The following KIF1B variants were observed in gnomAD, a reference collection of about 807,000 sequenced individuals.
KIF1B encodes kinesin family member 1B.
In KIF1B, 76 loss-of-function variants were observed where a neutral mutation model predicts 241.9. The observed-to-expected ratio is 0.31, with a 90% CI of 0.26 to 0.38. The LOEUF (loss-of-function observed/expected upper bound fraction) is 0.38. KIF1B is among the 10% of genes least tolerant of loss of function. The probability of loss-of-function intolerance (pLI) is 1.00; values close to 1 mark genes in which losing one functional copy is unlikely to be tolerated. For missense variants in KIF1B, 1,622 were observed against 2,271.4 expected (o/e 0.71, Z 5.81); for synonymous variants, 750 against 796.7 (o/e 0.94, Z 0.99).
intron 22 of KIF1B, among the ~76,000 whole-genome samples, chr1:10,302,454 GGTTGACTAA>G (rs1429541580): frequency 2.0e-5 from 3 of 152,156 alleles, no homozygotes; most frequent in African/African-American, 7.2e-5. Context: ...GAAAACATTT[GGTTGACTAA>G]GAACTGACAT....
intron 32 of KIF1B, among the ~76,000 whole-genome samples, 196 bp from the exon 33 acceptor site, chr1:10,341,854 C>T (rs559600294): frequency 6.6e-6 from 1 of 151,944 alleles, no homozygotes; most frequent in Non-Finnish European, 1.5e-5. Flanking sequence ...GTCTGTAGTC[C>T]TAGCTACTCC....
Position 10,323,904 on chromosome 1 carries a change from G to A in KIF1B, c.2379G>A (p.Leu793=), listed in dbSNP as rs1249220224. The A allele has an allele frequency of 6.2e-7, 1 of 1,614,024 alleles. No homozygotes were observed. The highest frequency in any genetic ancestry group is 8.5e-7 in the Non-Finnish European group (1 of 1,179,940). The change falls in exon 25 of 49, where the codon CTG becomes CTA. Residue 793 remains leucine (L), a synonymous_variant. Coordinates refer to ENST00000676179, the MANE Select transcript of KIF1B (RefSeq NM_001365951.3). ...LKKKVQFQFV[L]LTDTLYSPLP... is the part of the protein sequence containing the mutation. ...TTCAGGTGCAGTTTCAGTTTGTTCT[G>A]CTGACTGACACACTGTACTCCCCTT...
At chr1:10,241,107 G>T (rs1040373923) in intron 2 of KIF1B, among the ~76,000 whole-genome samples, 6 of 152,056 alleles carry the variant, frequency 3.9e-5, no homozygotes, top group Admixed American at 1.3e-4. Context: ...AGTTGTTCTT[G>T]TGGTTAGTTT....
rs1356185855 is a variant in KIF1B at position 10,337,922 on chromosome 1, G to T, written c.3422+389G>T. On this transcript the variant is annotated intron_variant, in intron 31 of 48. Coordinates refer to ENST00000676179, the MANE Select transcript of KIF1B (RefSeq NM_001365951.3). The surrounding 1 kb of genome is among the most constrained non-coding windows in gnomAD (Gnocchi z 4.0). ...AGCAATTACGCCTATTTAATACTCG[G>T]GAAAAGGAAAATTTAAACAATGTAA... Among the ~76,000 whole-genome samples the T allele has an allele frequency of 6.6e-6, 1 of 152,006 alleles. No homozygotes were observed. Among genetic ancestry groups the T allele is most frequent in the Non-Finnish European group, 1.5e-5 (1 of 68,012 alleles).
Position 10,326,071 on chromosome 1 carries a change from CT to C in KIF1B, c.2676-39del. On this transcript the variant is annotated intron_variant, in intron 26 of 48. Coordinates refer to ENST00000676179, the MANE Select transcript of KIF1B (RefSeq NM_001365951.3). This position sits in a 1 kb window ranked among gnomAD's most constrained non-coding sequence, Gnocchi z 5.2. ...TTCCTGTTTAACCAACTATTCCTCTCTCCCTGGCTGTGTTAATTGGCGTCTT... is the reference window on the plus strand; with the variant it reads ...TTCCTGTTTAACCAACTATTCCTCTCCCCTGGCTGTGTTAATTGGCGTCTT... The C allele has an allele frequency of 6.2e-7, 1 of 1,612,780 alleles. No individual in the cohort carries two copies. Among genetic ancestry groups the C allele is most frequent in the African/African-American group, 1.3e-5 (1 of 75,042 alleles).
chr1:10,374,231 C>A lies in KIF1B; in HGVS notation c.4947-85C>A. The A allele has an allele frequency of 7.1e-7, 1 of 1,406,488 alleles. No individual in the cohort carries two copies. The highest frequency in any genetic ancestry group is 1.0e-6 in the Non-Finnish European group (1 of 992,150). 87.1% of individuals were successfully genotyped at this position (1,406,488 alleles called of 1,614,324 possible). On this transcript the variant is annotated intron_variant, in intron 45 of 48. Transcript: ENST00000676179. This position sits in a 1 kb window ranked among gnomAD's most constrained non-coding sequence, Gnocchi z 4.3. ...GGGGTTTAGGGAGGGCCATTGTGTTCCTCCCAGTGAAACAGTACTCAGTAT... is the reference window on the plus strand; with the variant it reads ...GGGGTTTAGGGAGGGCCATTGTGTTACTCCCAGTGAAACAGTACTCAGTAT...
chr1:10,277,856 C>A, intron 12 of KIF1B, 130 bp from the exon 13 acceptor site: 1 of 810,276 alleles, frequency 1.2e-6, no homozygotes, highest in Non-Finnish European at 2.0e-6. Flanking sequence ...AAGCTTTATA[C>A]AAATGTATTA....
intron 28 of KIF1B, among the ~76,000 whole-genome samples, chr1:10,336,341 G>T (rs1268121241): frequency 6.6e-6 from 1 of 152,126 alleles, no homozygotes; most frequent in South Asian, 2.1e-4. Flanking sequence ...TAGAGACGGG[G>T]TTTCACCATG....
Position 10,272,293 on chromosome 1 carries a change from C to T in KIF1B, c.851C>T (p.Ala284Val). 6.2e-7 allele frequency: 1 copy of T among 1,606,158 alleles called. No homozygotes were observed. Among genetic ancestry groups the T allele is most frequent in the Non-Finnish European group, 8.5e-7 (1 of 1,172,872 alleles). The change falls in exon 9 of 49, where the codon GCC (alanine) becomes GTC (valine). Residue 284 changes from alanine to valine, a missense_variant. Transcript: ENST00000676179. ...SLTTLGKVIS[A>V]LAEVDNCTSK... The stretch of plus-strand genomic sequence containing the variant: ...ACAACTTTGGGCAAAGTCATTTCAG[C>T]CTTGGCCGAGGTGGTAAGTTTTATA...
At chr1:10,314,382 A>G (rs541500421) in intron 22 of KIF1B, among the ~76,000 whole-genome samples, 2 of 151,430 alleles carry the variant, frequency 1.3e-5, no homozygotes, top group South Asian at 2.1e-4. Context: ...TTGACTATCA[A>G]TTGTGGTCAA....
At chr1:10,354,099 C>T (rs1652894302) in intron 38 of KIF1B, among the ~76,000 whole-genome samples, 1 of 152,038 alleles carries the variant, frequency 6.6e-6, no homozygotes, top group South Asian at 2.1e-4. Context: ...AATTCACGCC[C>T]AACAACAGGT....
chr1:10,311,961 CT>C (rs1651086153), intron 22 of KIF1B, among the ~76,000 whole-genome samples: 1 of 151,456 alleles, frequency 6.6e-6, no homozygotes, highest in Non-Finnish European at 1.5e-5. Context: ...TGCTTATTCC[CT>C]TTTCACATAC....
At chr1:10,366,924 T>A (rs1022900764) in intron 43 of KIF1B, among the ~76,000 whole-genome samples, 2 of 151,480 alleles carry the variant, frequency 1.3e-5, no homozygotes, top group Non-Finnish European at 2.9e-5. Flanking sequence ...TGAGCCGAGA[T>A]CGCGCCACTG....
chr1:10,299,124 CAAA>C (rs200503255), intron 22 of KIF1B: 1 of 142,846 alleles, frequency 7.0e-6, no homozygotes, highest in East Asian at 2.1e-4. Flanking sequence ...ACAAGACAAA[CAAA>C]AAAAAAGAAT....
At chr1:10,305,139 C>T (rs904416996) in intron 22 of KIF1B, 2 of 1,059,312 alleles carry the variant, frequency 1.9e-6, no homozygotes, top group Admixed American at 9.9e-5. Context: ...GATTTCTCAT[C>T]CACGTCTGTT....
At chr1:10,299,070 TA>T (rs34431527) in intron 22 of KIF1B, 171 of 128,662 alleles carry the variant, frequency 1.3e-3, no homozygotes, top group Non-Finnish European at 1.4e-3. Flanking sequence ...GTTCCATATT[TA>T]AAAAAAAAAA....
chr1:10,277,283 A>AT (rs1178634619), intron 12 of KIF1B, among the ~76,000 whole-genome samples: 1 of 145,812 alleles, frequency 6.9e-6, no homozygotes, highest in Non-Finnish European at 1.5e-5. Flanking sequence ...CTGTCTCTTA[A>AT]AAAAAAAAAA....
At chr1:10,360,869 C>G (rs1239295981) in intron 38 of KIF1B, 60 bp from the exon 39 acceptor site, 1 of 1,103,014 alleles carries the variant, frequency 9.1e-7, no homozygotes, top group Admixed American at 1.7e-5. Context: ...AGTGGCAGTA[C>G]CTGGACTAAC....
At chr1:10,231,145 G>T (rs1197187650) in intron 1 of KIF1B, 1 of 152,266 alleles carries the variant, frequency 6.6e-6, no homozygotes, top group Non-Finnish European at 1.5e-5. Context: ...GGGAGGCAGA[G>T]GTTGCAGTGA....
Sources: allele counts gnomAD v4.1 joint callset (sites outside exome capture counted in the v4.1 genomes callset), GRCh38; gene constraint gnomAD v4.1.1; non-coding constraint Gnocchi (gnomAD v3.1); transcripts MANE v1.5; gene names NCBI Gene and HGNC (gene_info 2026-07-23, HGNC 2026-07-21).